GALK2: variants seen among roughly 807,000 people sequenced by gnomAD.
GALK2 encodes the protein galactokinase 2, also known as N-acetylgalactosamine kinase.
In GALK2, 36 loss-of-function variants were observed where a neutral mutation model predicts 52.4. That is an observed-to-expected ratio of 0.69 (90% CI 0.53 to 0.91). The LOEUF is 0.91. GALK2 is among the 40% of genes least tolerant of loss of function. GALK2 has a pLI of 0.00. For synonymous variants in GALK2, 176 were observed against 199.1 expected, an observed-to-expected ratio of 0.88 and a Z score of 0.98; for missense variants, 579 against 559.1, an observed-to-expected ratio of 1.04 and a Z score of -0.36.
chr15:49,228,785 C>T (rs1447615233), intron 3 of GALK2, among the ~76,000 whole-genome samples: 1 of 140,526 alleles, frequency 7.1e-6, no homozygotes, highest in African/African-American at 2.7e-5. Flanking sequence ...CCTCTGCATC[C>T]TGGGTTCAAG....
At chr15:49,278,994 T>C (rs576893357) in intron 5 of GALK2, among the ~76,000 whole-genome samples, 8 of 152,302 alleles carry the variant, frequency 5.3e-5, no homozygotes, top group African/African-American at 1.9e-4. Context: ...CAGACACTTA[T>C]AAAATCATCA....
At chr15:49,323,632 C>G (rs73396206) in intron 9 of GALK2, among the ~76,000 whole-genome samples, 38,051 of 152,038 alleles carry the variant, frequency 0.25, 5,075 homozygotes, top group African/African-American at 0.32. Context: ...GAAAATCTTA[C>G]AGTGATCTGA....
intron 5 of GALK2, among the ~76,000 whole-genome samples, chr15:49,263,930 A>G (rs747158834): frequency 3.8e-4 from 58 of 152,068 alleles, no homozygotes; most frequent in Non-Finnish European, 4.3e-4. Flanking sequence ...GGTTTCTGCC[A>G]AGAGATCCAC....
chr15:49,260,137 A>T (rs1393984263), intron 5 of GALK2, among the ~76,000 whole-genome samples: 3 of 152,086 alleles, frequency 2.0e-5, no homozygotes, highest in African/African-American at 7.2e-5. Flanking sequence ...CTAGTTCTAG[A>T]TCCCTGAGGA....
At chr15:49,340,324 G>T (rs973802838) in intron 3 of GALK2, among the ~76,000 whole-genome samples, 24 of 152,056 alleles carry the variant, frequency 1.6e-4, no homozygotes, top group Non-Finnish European at 5.9e-5. Context: ...GGAGTACACG[G>T]TACAGTCCCT....
intron 3 of GALK2, chr15:49,367,444 A>C: frequency 6.4e-7 from 1 of 1,561,568 alleles, no homozygotes. Flanking sequence ...TTTAAAAAGG[A>C]TATGGTTCCT....
chr15:49,176,146 C>T (rs1389323043), intron 1 of GALK2, among the ~76,000 whole-genome samples: 1 of 152,268 alleles, frequency 6.6e-6, no homozygotes, highest in East Asian at 1.9e-4. Flanking sequence ...GCACTTTAGT[C>T]ACATCCCTCG....
intron 5 of GALK2, among the ~76,000 whole-genome samples, chr15:49,258,829 T>TGTGTGTGTGAGAGA (rs1335491479): frequency 1.6e-5 from 2 of 124,038 alleles, no homozygotes; most frequent in African/African-American, 6.4e-5. Flanking sequence ...TGTGTGTGTG[T>TGTGTGTGTGAGAGA]GAGAGAGAGA....
downstream of GALK2, chr15:49,335,521 G>A (rs2039552378): frequency 1.3e-6 from 2 of 1,563,994 alleles, no homozygotes; most frequent in Admixed American, 1.7e-5. Context: ...ATTAAGGAAT[G>A]ATTTTCAATT....
chr15:49,172,334 CAGAAG>C (rs957890706), intron 1 of GALK2, among the ~76,000 whole-genome samples: 3 of 152,160 alleles, frequency 2.0e-5, no homozygotes, highest in Non-Finnish European at 4.4e-5. Context: ...GTGTTATCCA[CAGAAG>C]AGATCATAGT....
chr15:49,169,803 G>A (rs2084947498), upstream of GALK2, among the ~76,000 whole-genome samples: 1 of 152,198 alleles, frequency 6.6e-6, no homozygotes, highest in Non-Finnish European at 1.5e-5. Flanking sequence ...TATGTTGCTT[G>A]ATTTGGAAGT....
chr15:49,215,438 T>C (rs1042790385), intron 2 of GALK2, among the ~76,000 whole-genome samples: 1 of 152,214 alleles, frequency 6.6e-6, no homozygotes, highest in South Asian at 2.1e-4. Context: ...CTCTTTTCTC[T>C]CCTCTGACTG....
At chr15:49,193,742 T>C (rs1219409324) in intron 1 of GALK2, among the ~76,000 whole-genome samples, 1 of 151,854 alleles carries the variant, frequency 6.6e-6, no homozygotes, top group East Asian at 1.9e-4. Context: ...TTATTTTTTT[T>C]TTTGAGATGG....
intron 1 of GALK2, among the ~76,000 whole-genome samples, chr15:49,158,470 A>G (rs1467442545): frequency 2.6e-5 from 4 of 152,244 alleles, no homozygotes; most frequent in Non-Finnish European, 5.9e-5. Flanking sequence ...CCTGTAAATC[A>G]GTCAAAACTT....
At chr15:49,277,028 C>T (rs1360963283) in intron 5 of GALK2, among the ~76,000 whole-genome samples, 2 of 134,382 alleles carry the variant, frequency 1.5e-5, no homozygotes, top group African/African-American at 5.6e-5. Flanking sequence ...GGCTGGAGTG[C>T]AGTGGCGCAA....
upstream of GALK2, among the ~76,000 whole-genome samples, chr15:49,165,778 C>T (rs1380885305): frequency 6.7e-6 from 1 of 148,630 alleles, no homozygotes; most frequent in African/African-American, 2.5e-5. Flanking sequence ...TTCAGTAGGT[C>T]TGGGCCCAAG....
At position 49,355,847 on chromosome 15, in the gene GALK2, C is replaced by T. The variant is rs537467996; in HGVS notation, c.427-11644C>T. On this transcript the variant is annotated intron_variant, in intron 3 of 3. Coordinates refer to the GALK2 transcript ENST00000558399. ...GTTAAGGGCAGCTAGAGAGAAAGGTCGGGTCACCCTCAAAGGGAAGCCCAT... is the reference window on the plus strand; with the variant it reads ...GTTAAGGGCAGCTAGAGAGAAAGGTTGGGTCACCCTCAAAGGGAAGCCCAT... Among the ~76,000 whole-genome samples the T allele has an allele frequency of 7.3e-3, 1,118 of 152,240 alleles. 28 individuals carry two copies. Among genetic ancestry groups the T allele is most frequent in the African/African-American group, 0.026 (1,070 of 41,530 alleles).
At chr15:49,227,898 AG>A (rs1194270877) in intron 3 of GALK2, among the ~76,000 whole-genome samples, 10 of 152,156 alleles carry the variant, frequency 6.6e-5, no homozygotes, top group Admixed American at 5.9e-4. Flanking sequence ...TATTGCTTGT[AG>A]GTTCAGCCCA....
intron 3 of GALK2, among the ~76,000 whole-genome samples, chr15:49,219,191 A>G (rs2141391831): frequency 6.6e-6 from 1 of 152,236 alleles, no homozygotes; most frequent in South Asian, 2.1e-4. Context: ...TTTAACTCCC[A>G]CAATTCCCAC....
Sources: allele counts gnomAD v4.1 joint callset (sites outside exome capture counted in the v4.1 genomes callset), GRCh38; gene constraint gnomAD v4.1.1; transcripts MANE v1.5; gene names NCBI Gene and HGNC (gene_info 2026-07-23, HGNC 2026-07-21).